ARHGAP24: variants seen among roughly 807,000 people sequenced by gnomAD.
ARHGAP24 encodes Rho GTPase activating protein 24, also known as rho GTPase-activating protein 24.
ARHGAP24 carries 50 observed loss-of-function variants against 76.4 expected under a neutral mutation model. The ratio of observed to expected loss-of-function variants is 0.65; its 90% CI spans 0.52 to 0.83. ARHGAP24 has a LOEUF of 0.83. Among genes scored for constraint, ARHGAP24 ranks in the 40% least tolerant of loss-of-function variants. The probability of loss-of-function intolerance (pLI) is 0.00; values close to 1 mark genes in which losing one functional copy is unlikely to be tolerated. For missense variants in ARHGAP24, 930 were observed against 914.2 expected (o/e 1.02, Z -0.22); for synonymous variants, 345 against 323.3 (o/e 1.07, Z -0.72).
At chr4:85,654,835 G>A (rs1391740449) in intron 2 of ARHGAP24, among the ~76,000 whole-genome samples, 1 of 152,070 alleles carries the variant, frequency 6.6e-6, no homozygotes, top group Non-Finnish European at 1.5e-5. Flanking sequence ...ATATAAATGT[G>A]TACATGTGTA....
At chr4:85,500,726 T>C (rs964571232) in intron 1 of ARHGAP24, among the ~76,000 whole-genome samples, 1 of 152,166 alleles carries the variant, frequency 6.6e-6, no homozygotes, top group Non-Finnish European at 1.5e-5. Context: ...ACTTTTTTAT[T>C]ATGATGATAC....
At chr4:85,667,962 A>G (rs1722695601) in intron 2 of ARHGAP24, among the ~76,000 whole-genome samples, 1 of 152,330 alleles carries the variant, frequency 6.6e-6, no homozygotes, top group South Asian at 2.1e-4. Context: ...GAAAGGGTAA[A>G]TAAACAAATA....
chr4:85,514,008 T>C (rs1056166403), intron 1 of ARHGAP24, among the ~76,000 whole-genome samples: 1 of 152,232 alleles, frequency 6.6e-6, no homozygotes, highest in Non-Finnish European at 1.5e-5. Context: ...TCCTGTTTTC[T>C]GTCTCTGGAA....
intron 3 of ARHGAP24, among the ~76,000 whole-genome samples, chr4:85,894,992 AAC>A (rs1560701723): frequency 0.025 from 597 of 23,948 alleles, 6 homozygotes; most frequent in East Asian, 0.036. Flanking sequence ...AAAAAAACAA[AAC>A]AAAAAGCAAA....
At chr4:85,662,529 C>A (rs2109993339) in intron 2 of ARHGAP24, among the ~76,000 whole-genome samples, 1 of 151,470 alleles carries the variant, frequency 6.6e-6, no homozygotes, top group Non-Finnish European at 1.5e-5. Flanking sequence ...TAATTAGATC[C>A]CATTTGTCAA....
At chr4:85,893,699 T>C (rs9790661) in intron 3 of ARHGAP24, among the ~76,000 whole-genome samples, 44,969 of 141,630 alleles carry the variant, frequency 0.32, 7,448 homozygotes, top group African/African-American at 0.41. Flanking sequence ...CCCACTCTCT[T>C]CTGGCTTGTA....
intron 2 of ARHGAP24, among the ~76,000 whole-genome samples, chr4:85,574,654 T>C (rs548775198): frequency 1.1e-4 from 16 of 152,322 alleles, no homozygotes; most frequent in African/African-American, 3.8e-4. Flanking sequence ...ATACTCAAAC[T>C]ACACAACTAT....
At chr4:85,566,764 G>A (rs1439538619) in intron 1 of ARHGAP24, among the ~76,000 whole-genome samples, 1 of 152,148 alleles carries the variant, frequency 6.6e-6, no homozygotes, top group Admixed American at 6.6e-5. Flanking sequence ...TAAAGACATA[G>A]CAATTTAGAG....
chr4:85,708,134 G>A (rs576989268), intron 2 of ARHGAP24, among the ~76,000 whole-genome samples: 29 of 152,044 alleles, frequency 1.9e-4, no homozygotes, highest in African/African-American at 2.7e-4. Flanking sequence ...TTCAGGCCTC[G>A]TTTATTCTTC....
chr4:85,664,254 C>A (rs554218122), intron 2 of ARHGAP24, among the ~76,000 whole-genome samples: 1 of 150,538 alleles, frequency 6.6e-6, no homozygotes, highest in Non-Finnish European at 1.5e-5. Context: ...GTGTATGTGT[C>A]GAGGAATTTA....
intron 3 of ARHGAP24, among the ~76,000 whole-genome samples, chr4:85,859,219 A>ACG (rs1443482620): frequency 2.6e-5 from 4 of 151,198 alleles, no homozygotes; most frequent in Non-Finnish European, 5.9e-5. Flanking sequence ...GCATACACAC[A>ACG]CACACACACA....
At chr4:85,694,142 CTA>C (rs1229578965) in intron 2 of ARHGAP24, among the ~76,000 whole-genome samples, 1 of 152,082 alleles carries the variant, frequency 6.6e-6, no homozygotes, top group African/African-American at 2.4e-5. Flanking sequence ...TTATGAAAAT[CTA>C]TTCAAATTAT....
chr4:85,981,233 A>T (rs1199490199), intron 8 of ARHGAP24, among the ~76,000 whole-genome samples: 1 of 152,182 alleles, frequency 6.6e-6, no homozygotes, highest in East Asian at 1.9e-4. Flanking sequence ...TTCAGACTAG[A>T]GCATTTAGCA....
intron 5 of ARHGAP24, among the ~76,000 whole-genome samples, chr4:85,971,660 A>G (rs950271672): frequency 6.6e-6 from 1 of 152,102 alleles, no homozygotes; most frequent in African/African-American, 2.4e-5. Flanking sequence ...AATGTGCAAT[A>G]AATTATTGTT....
intron 3 of ARHGAP24, among the ~76,000 whole-genome samples, chr4:85,784,636 C>T (rs1727721897): frequency 6.6e-6 from 1 of 152,028 alleles, no homozygotes; most frequent in African/African-American, 2.4e-5. Context: ...CTATTCAATG[C>T]TGTCTATGGT....
At chr4:85,878,064 C>T (rs1471738697) in intron 3 of ARHGAP24, among the ~76,000 whole-genome samples, 2 of 151,958 alleles carry the variant, frequency 1.3e-5, no homozygotes, top group Non-Finnish European at 2.9e-5. Context: ...CTGAATTATT[C>T]CTGTATCTAA....
chr4:85,568,185 C>G (rs2109961684), intron 1 of ARHGAP24, among the ~76,000 whole-genome samples: 1 of 151,728 alleles, frequency 6.6e-6, no homozygotes, highest in East Asian at 1.9e-4. Context: ...AACCTTGAAG[C>G]ATTTTAGAGG....
chr4:85,668,321 T>C (rs181020762), intron 2 of ARHGAP24, among the ~76,000 whole-genome samples: 4 of 152,368 alleles, frequency 2.6e-5, no homozygotes, highest in African/African-American at 9.6e-5. Context: ...TTTATTTCAT[T>C]CCTTCATCTA....
chr4:85,686,677 A>G (rs556316600), intron 2 of ARHGAP24: 20 of 152,334 alleles, frequency 1.3e-4, no homozygotes, highest in African/African-American at 4.6e-4. Flanking sequence ...CGTAAGTTCA[A>G]TGGCTCATTG....
Sources: gnomAD v4.1 joint callset for allele counts (sites outside exome capture counted in the v4.1 genomes callset) on GRCh38, gnomAD v4.1.1 for gene constraint, MANE v1.5 for transcripts, NCBI Gene and HGNC (gene_info 2026-07-23, HGNC 2026-07-21) for gene names.